NTRK3: variants seen among roughly 807,000 people sequenced by gnomAD.
The protein encoded by NTRK3 is neurotrophic receptor tyrosine kinase 3.
A neutral mutation model predicts 91.7 loss-of-function variants in NTRK3; 24 were observed. The ratio of observed to expected loss-of-function variants is 0.26; its 90% CI spans 0.19 to 0.37. The LOEUF is 0.37. Among genes scored for constraint, NTRK3 ranks in the 10% least tolerant of loss-of-function variants. NTRK3 has a pLI of 1.00. For synonymous variants in NTRK3, 483 were observed against 404.0 expected (o/e 1.20, Z -2.34); for missense variants, 880 against 1,068.9 (o/e 0.82, Z 2.46).
At position 88,137,579 on chromosome 15, in the gene NTRK3, G is replaced by A. The variant is rs766053500; in HGVS notation, c.465-18C>T. ...CCAACTGCCTGTCGGCAAAGAGAGAGGGGAAGGGAACCTCTGAACCGAAGA... is the reference window on the plus strand; with the variant it reads ...CCAACTGCCTGTCGGCAAAGAGAGAAGGGAAGGGAACCTCTGAACCGAAGA... On this transcript the variant is annotated intron_variant, in intron 6 of 18. Transcript: ENST00000394480. The A allele has an allele frequency of 3.1e-6, 5 of 1,612,574 alleles. No individual in the cohort carries two copies. The highest frequency in any genetic ancestry group is 4.5e-5 in the East Asian group (2 of 44,872).
intron 5 of NTRK3, among the ~76,000 whole-genome samples, chr15:88,182,949 C>A (rs1005979882): frequency 5.9e-5 from 9 of 152,236 alleles, no homozygotes; most frequent in Admixed American, 5.9e-4. Context: ...AGCTTTTCCC[C>A]ACTGAACCCA....
intron 18 of NTRK3, among the ~76,000 whole-genome samples, chr15:87,879,987 T>C (rs893124013): frequency 1.3e-5 from 2 of 152,210 alleles, no homozygotes; most frequent in African/African-American, 4.8e-5. Flanking sequence ...TTTTTTGTCA[T>C]AGTGAAACAT....
chr15:88,214,462 CT>C (rs2049547539), intron 3 of NTRK3, among the ~76,000 whole-genome samples: 1 of 152,096 alleles, frequency 6.6e-6, no homozygotes, highest in Non-Finnish European at 1.5e-5. Flanking sequence ...TTTAGGGCCC[CT>C]CTTAATGCTA....
At chr15:88,256,567 C>A in intron 1 of NTRK3, 77 bp downstream of exon 1, 1 of 499,754 alleles carries the variant, frequency 2.0e-6, no homozygotes, top group South Asian at 4.0e-5. Context: ...CACCAAGTCC[C>A]ACCTACTGGG....
intron 3 of NTRK3, among the ~76,000 whole-genome samples, chr15:88,220,035 G>GA (rs549237649): frequency 1.3e-3 from 192 of 152,304 alleles, no homozygotes; most frequent in African/African-American, 4.3e-3. Flanking sequence ...AATGCCCAGA[G>GA]AAAATCCCCA....
chr15:88,236,666 T>A (rs78538567), intron 3 of NTRK3, among the ~76,000 whole-genome samples: 2 of 142,976 alleles, frequency 1.4e-5, no homozygotes, highest in South Asian at 2.3e-4. Flanking sequence ...AGGAAGGGAT[T>A]AAAAAAAAAA....
At chr15:88,070,481 G>A (rs556011576) in intron 13 of NTRK3, among the ~76,000 whole-genome samples, 21 of 152,170 alleles carry the variant, frequency 1.4e-4, no homozygotes, top group Non-Finnish European at 2.1e-4. Flanking sequence ...AGAGAAACAT[G>A]ACAAGGGATA....
intron 14 of NTRK3, among the ~76,000 whole-genome samples, chr15:88,031,903 T>A (rs929870409): frequency 4.0e-5 from 6 of 151,874 alleles, no homozygotes; most frequent in African/African-American, 1.5e-4. Flanking sequence ...CACTGAGACA[T>A]GAAAAGAACC....
At chr15:87,912,931 A>ATATATATATATATATATATATAT (rs1567099538) in intron 17 of NTRK3, among the ~76,000 whole-genome samples, 1 of 36,494 alleles carries the variant, frequency 2.7e-5, no homozygotes, top group Non-Finnish European at 4.7e-5. Context: ...AGTAAAAAAA[A>ATATATATATATATATATATATAT]ATATATATAT....
At chr15:88,164,223 G>A (rs986947767) in intron 5 of NTRK3, among the ~76,000 whole-genome samples, 3 of 152,320 alleles carry the variant, frequency 2.0e-5, no homozygotes, top group African/African-American at 7.2e-5. Context: ...GGACCCACAC[G>A]GTGGTGGGCT....
intron 18 of NTRK3, among the ~76,000 whole-genome samples, chr15:87,877,739 A>G (rs1378190288): frequency 6.6e-6 from 1 of 152,108 alleles, no homozygotes; most frequent in Non-Finnish European, 1.5e-5. Context: ...AGTCCTTAAC[A>G]ATAGGACTAA....
exon 19 of NTRK3, chr15:87,861,996 C>T (rs2064539436): frequency 4.7e-6 from 1 of 213,466 alleles, no homozygotes; most frequent in Non-Finnish European, 9.5e-6. Flanking sequence ...GCTTTCCTAT[C>T]CCCATAGGTC....
intron 13 of NTRK3, among the ~76,000 whole-genome samples, chr15:88,093,577 C>T (rs776392000): frequency 3.3e-5 from 5 of 152,174 alleles, no homozygotes; most frequent in East Asian, 3.9e-4. Flanking sequence ...CTGTCTTCAT[C>T]TCAAAGTCAT....
At chr15:87,975,209 G>C (rs1263741028) in intron 14 of NTRK3, among the ~76,000 whole-genome samples, 1 of 152,150 alleles carries the variant, frequency 6.6e-6, no homozygotes, top group Non-Finnish European at 1.5e-5. Flanking sequence ...TGTAATGCTA[G>C]TAAAAAAGTC....
intron 14 of NTRK3, among the ~76,000 whole-genome samples, chr15:87,999,226 T>G (rs2075926607): frequency 6.6e-6 from 1 of 152,182 alleles, no homozygotes; most frequent in South Asian, 2.1e-4. Context: ...AGTATAATAC[T>G]GCATCCCCAC....
At chr15:87,914,781 G>A (rs564979422) in intron 17 of NTRK3, among the ~76,000 whole-genome samples, 4 of 152,310 alleles carry the variant, frequency 2.6e-5, no homozygotes, top group African/African-American at 9.6e-5. Context: ...AAAGTTCCAA[G>A]CTGGCTGAAG....
At chr15:87,924,115 C>A (rs901148263) in intron 17 of NTRK3, among the ~76,000 whole-genome samples, 5 of 152,122 alleles carry the variant, frequency 3.3e-5, no homozygotes, top group African/African-American at 1.2e-4. Context: ...TTAGTCCTTA[C>A]AGAAAATGCG....
intron 6 of NTRK3, among the ~76,000 whole-genome samples, chr15:88,146,520 A>G (rs1441312992): frequency 6.6e-6 from 1 of 152,194 alleles, no homozygotes; most frequent in Non-Finnish European, 1.5e-5. Flanking sequence ...TATACCCTCA[A>G]CATAATATGA....
At chr15:87,993,358 T>C (rs1392718861) in intron 14 of NTRK3, among the ~76,000 whole-genome samples, 1 of 152,208 alleles carries the variant, frequency 6.6e-6, no homozygotes, top group East Asian at 1.9e-4. Flanking sequence ...TCTAAATTTA[T>C]GGCCCTAAAA....
Sources: allele counts gnomAD v4.1 joint callset (sites outside exome capture counted in the v4.1 genomes callset), GRCh38; gene constraint gnomAD v4.1.1; transcripts MANE v1.5; gene names NCBI Gene and HGNC (gene_info 2026-07-23, HGNC 2026-07-21).